The following RORA variants were observed in gnomAD, a reference collection of about 807,000 sequenced individuals.
The protein encoded by RORA is RAR related orphan receptor A, also known as nuclear receptor ROR-alpha.
In RORA, 7 loss-of-function variants were observed where a neutral mutation model predicts 69.5. The observed-to-expected ratio is 0.10, with a 90% CI of 0.06 to 0.19. The LOEUF is 0.19. Among genes scored for constraint, RORA ranks in the 10% least tolerant of loss-of-function variants. The probability of loss-of-function intolerance (pLI) is 1.00; values close to 1 mark genes in which losing one functional copy is unlikely to be tolerated. For synonymous variants in RORA, 261 were observed against 240.8 expected (o/e 1.08, Z -0.78); for missense variants, 457 against 663.0 (o/e 0.69, Z 3.41).
chr15:60,859,650 T>TC, intron 1 of RORA, among the ~76,000 whole-genome samples: 1 of 85,296 alleles, frequency 1.2e-5, no homozygotes, highest in Non-Finnish European at 2.5e-5. Flanking sequence ...TTTCTTTCTT[T>TC]CTTTCTTTTT....
chr15:60,543,690 C>T (rs1450596369), intron 2 of RORA, among the ~76,000 whole-genome samples: 6 of 152,004 alleles, frequency 3.9e-5, no homozygotes, highest in African/African-American at 9.7e-5. Context: ...CCATGTTGCC[C>T]AGGCTGGTCT....
At chr15:61,199,820 C>A (rs919870962) in intron 1 of RORA, among the ~76,000 whole-genome samples, 3 of 152,176 alleles carry the variant, frequency 2.0e-5, no homozygotes, top group African/African-American at 7.2e-5. Flanking sequence ...ATGGCATATA[C>A]CTGACTGAGG....
At chr15:61,220,933 C>A (rs961695090) in intron 1 of RORA, among the ~76,000 whole-genome samples, 1 of 152,200 alleles carries the variant, frequency 6.6e-6, no homozygotes, top group East Asian at 1.9e-4. Flanking sequence ...ACAGCCCCCA[C>A]TCCCCAGCCC....
Position 60,592,734 on chromosome 15 carries a change from C to T in RORA, c.197-60883G>A, listed in dbSNP as rs543835840. ...TAGCAGCGGCGGCTCTGCTGGCCCA[C>T]CCCGGCCGGGCCTGCCCTCCCGCGC... On this transcript the variant is annotated intron_variant, in intron 2 of 10. Transcript: ENST00000335670. 4.6e-6 allele frequency: 5 copies of T among 1,093,732 alleles called. No homozygotes were observed. The South Asian group carries it at 5.5e-5, about 12-fold the overall frequency. The allele number at this position is 1,093,732 out of a possible 1,614,324, so 67.8% of individuals were successfully genotyped here.
intron 3 of RORA, among the ~76,000 whole-genome samples, chr15:60,525,103 A>G (rs1292072879): frequency 6.6e-6 from 1 of 152,236 alleles, no homozygotes; most frequent in African/African-American, 2.4e-5. Flanking sequence ...CAAACACGCA[A>G]AAAAACACTT....
At chr15:60,639,679 A>G (rs1330020701) in intron 2 of RORA, among the ~76,000 whole-genome samples, 1 of 152,190 alleles carries the variant, frequency 6.6e-6, no homozygotes, top group African/African-American at 2.4e-5. Flanking sequence ...TGCACAAGCA[A>G]TTTCCAGCTA....
intron 2 of RORA, among the ~76,000 whole-genome samples, chr15:60,552,135 C>T (rs554765436): frequency 5.7e-4 from 87 of 152,258 alleles, no homozygotes; most frequent in African/African-American, 2.0e-3. Context: ...AGAGAGTTAT[C>T]AGGGAGAGAA....
rs541179432 is a variant in RORA, at chr15:60,628,840, A to AT, written c.196+49816dup. ...GTAAGGAGAACCCAGAGAATGACCTATTGCAGCTCAAGAGATGAATTAATC... is the reference window on the plus strand; with the variant it reads ...GTAAGGAGAACCCAGAGAATGACCTATTTGCAGCTCAAGAGATGAATTAATC... On this transcript the variant is annotated intron_variant, in intron 2 of 10. Transcript: ENST00000335670. Among the ~76,000 whole-genome samples, 987 of 152,332 alleles carry AT rather than the reference A, an allele frequency of 6.5e-3. 8 individuals are homozygous for AT. Among genetic ancestry groups the AT allele is most frequent in the Non-Finnish European group, 0.01 (694 of 68,022 alleles).
At chr15:60,816,585 A>G (rs532725111) in intron 1 of RORA, among the ~76,000 whole-genome samples, 4 of 145,558 alleles carry the variant, frequency 2.7e-5, no homozygotes, top group Non-Finnish European at 6.0e-5. Flanking sequence ...TATATACTGT[A>G]AACAGTATAT....
chr15:60,966,632 G>A (rs1270539142), intron 1 of RORA, among the ~76,000 whole-genome samples: 2 of 152,188 alleles, frequency 1.3e-5, no homozygotes, highest in African/African-American at 4.8e-5. Context: ...TGACCTTCCA[G>A]AGACTGGCCT....
rs923695094 is a variant in RORA at position 60,975,562 on chromosome 15, C to A, written c.166+253491G>T. ...TGAAATGAACATGTGGGGTCCTATT[C>A]AGAACATGTTTGCCTTGAGTGTATG... On this transcript the variant is annotated intron_variant, in intron 1 of 10. Transcript: ENST00000335670. 3.3e-5 allele frequency among the ~76,000 whole-genome samples: 5 copies of A among 152,148 alleles called. No homozygotes were observed. The East Asian group carries it at 9.6e-4, about 29-fold the overall frequency.
At chr15:60,749,962 C>T (rs1595683704) in intron 1 of RORA, among the ~76,000 whole-genome samples, 3 of 152,126 alleles carry the variant, frequency 2.0e-5, no homozygotes, top group Non-Finnish European at 4.4e-5. Context: ...TCTGGAATGT[C>T]GAGGCTGCGG....
intron 1 of RORA, among the ~76,000 whole-genome samples, chr15:61,149,212 T>C (rs2079376566): frequency 1.3e-5 from 2 of 152,146 alleles, no homozygotes; most frequent in African/African-American, 4.8e-5. Context: ...CCAGACCTAT[T>C]GTGATTGTTC....
intron 1 of RORA, among the ~76,000 whole-genome samples, chr15:61,170,211 G>A (rs1007412823): frequency 6.6e-5 from 10 of 152,298 alleles, no homozygotes; most frequent in East Asian, 1.9e-4. Flanking sequence ...TAACTGTTCT[G>A]AAAGTCAGAA....
chr15:61,043,031 G>A (rs1208267099), intron 1 of RORA, among the ~76,000 whole-genome samples: 2 of 152,184 alleles, frequency 1.3e-5, no homozygotes, highest in Non-Finnish European at 2.9e-5. Context: ...TGAGAGTGAT[G>A]GACATGGCGA....
chr15:60,715,056 C>G (rs142623553), intron 1 of RORA, among the ~76,000 whole-genome samples: 1 of 152,140 alleles, frequency 6.6e-6, no homozygotes, highest in African/African-American at 2.4e-5. Context: ...GATGACTATG[C>G]TGTTGGAAAG....
At chr15:60,761,839 A>T (rs1302667159) in intron 1 of RORA, among the ~76,000 whole-genome samples, 1 of 152,152 alleles carries the variant, frequency 6.6e-6, no homozygotes, top group Non-Finnish European at 1.5e-5. Flanking sequence ...TCAGTTTCAA[A>T]TGTTCCTTAA....
intron 2 of RORA, among the ~76,000 whole-genome samples, chr15:60,630,046 G>A (rs1443704513): frequency 6.6e-6 from 1 of 152,140 alleles, no homozygotes; most frequent in Admixed American, 6.5e-5. Flanking sequence ...TTTGGCTATT[G>A]GGCTATAAAA....
intron 1 of RORA, among the ~76,000 whole-genome samples, chr15:60,997,289 T>C (rs1894582671): frequency 6.6e-6 from 1 of 152,188 alleles, no homozygotes; most frequent in African/African-American, 2.4e-5. Flanking sequence ...ATCGGATTTA[T>C]AGGGTCTATT....
Sources: allele counts gnomAD v4.1 joint callset (sites outside exome capture counted in the v4.1 genomes callset), GRCh38; gene constraint gnomAD v4.1.1; transcripts MANE v1.5; gene names NCBI Gene and HGNC (gene_info 2026-07-23, HGNC 2026-07-21).